The following KIF25 variants were observed in gnomAD, a reference collection of about 807,000 sequenced individuals.
KIF25 encodes kinesin-like protein KIF25.
KIF25 carries 19 observed loss-of-function variants against 32.9 expected under a neutral mutation model. The observed-to-expected ratio is 0.58, with a 90% CI of 0.40 to 0.85. The LOEUF is 0.85. Ranked by LOEUF, KIF25 falls within the 40% of genes least tolerant of loss-of-function variation. The pLI, the probability that KIF25 is intolerant of heterozygous loss-of-function variation, is 0.00. For synonymous variants in KIF25, 225 were observed against 213.7 expected, an observed-to-expected ratio of 1.05 and a Z score of -0.46; for missense variants, 485 against 507.0, an observed-to-expected ratio of 0.96 and a Z score of 0.42.
intron 2 of KIF25, among the ~76,000 whole-genome samples, chr6:168,001,266 G>A (rs1283659490): frequency 1.3e-5 from 2 of 152,324 alleles, no homozygotes; most frequent in African/African-American, 4.8e-5. Context: ...TAATCCAGTG[G>A]GCATTTTCTT....
chr6:168,041,653 G>C (rs1267436553), intron 10 of KIF25, among the ~76,000 whole-genome samples: 1 of 152,206 alleles, frequency 6.6e-6, no homozygotes, highest in Non-Finnish European at 1.5e-5. Flanking sequence ...ATTTCTAAAA[G>C]GGCTCATAGA....
rs1221879215 is a variant in KIF25 at position 168,040,137 on chromosome 6, CCTGGTGCACG to C, written c.569_578del (p.Leu190ArgfsTer8). ...TGCAGCTCAGGGCGAAGCACCCCAC[CCTGGTGCACG>C]CGGATTCCTCCAGGTCTCACCTGAT... On this transcript the variant is annotated frameshift_variant, in exon 10 of 13. Transcript: ENST00000643607. LOFTEE classifies it high-confidence loss of function. 1 of 1,614,008 alleles carries C rather than the reference CCTGGTGCACG, an allele frequency of 6.2e-7. No homozygotes were observed. The highest frequency in any genetic ancestry group is 8.5e-7 in the Non-Finnish European group (1 of 1,180,040).
chr6:168,004,373 T>C (rs1798550245), intron 4 of KIF25, among the ~76,000 whole-genome samples: 1 of 152,220 alleles, frequency 6.6e-6, no homozygotes, highest in Admixed American at 6.5e-5. Flanking sequence ...GATTGAAATA[T>C]ATAATTATAT....
intron 6 of KIF25, 113 bp downstream of exon 6, chr6:168,029,790 GA>G: frequency 7.3e-7 from 1 of 1,373,942 alleles, no homozygotes; most frequent in Non-Finnish European, 9.9e-7. Context: ...TTTTCTGAGT[GA>G]AAAGTTAAAA....
intron 5 of KIF25, among the ~76,000 whole-genome samples, chr6:168,026,320 A>G (rs902975286): frequency 2.6e-5 from 4 of 152,234 alleles, no homozygotes; most frequent in Non-Finnish European, 5.9e-5. Context: ...GTCGAAGGGA[A>G]ACATCAAAAT....
intron 5 of KIF25, among the ~76,000 whole-genome samples, chr6:168,020,411 G>T (rs1320803205): frequency 6.6e-6 from 1 of 151,982 alleles, no homozygotes; most frequent in African/African-American, 2.4e-5. Context: ...CACAAGGAGT[G>T]TACAACGGAT....
At chr6:168,039,958 A>C in intron 9 of KIF25, 107 bp from the exon 10 acceptor site, 1 of 1,351,902 alleles carries the variant, frequency 7.4e-7, no homozygotes, top group Non-Finnish European at 9.9e-7. Flanking sequence ...CCCCACTGGC[A>C]CGCGTGGCTC....
At chr6:168,035,914 C>A in intron 8 of KIF25, 1 of 393,900 alleles carries the variant, frequency 2.5e-6, no homozygotes. Context: ...CATCCACACA[C>A]GACCTGGAGA....
chr6:168,037,467 G>A (rs1053671771), intron 8 of KIF25, among the ~76,000 whole-genome samples: 1 of 152,158 alleles, frequency 6.6e-6, no homozygotes, highest in Non-Finnish European at 1.5e-5. Flanking sequence ...ACATCACCAT[G>A]CAGGTGGTAG....
intron 7 of KIF25, 127 bp downstream of exon 7, chr6:168,030,974 A>G: frequency 1.5e-6 from 1 of 669,366 alleles, no homozygotes. Context: ...GAGCATGCCC[A>G]TGGGTCACCC....
chr6:168,005,977 T>A (rs1479473768), intron 4 of KIF25, among the ~76,000 whole-genome samples: 2 of 152,210 alleles, frequency 1.3e-5, no homozygotes, highest in Non-Finnish European at 2.9e-5. Context: ...ACATGCTTTG[T>A]TCCTGGCCCA....
At chr6:168,015,663 G>T (rs1798703347) in intron 4 of KIF25, among the ~76,000 whole-genome samples, 1 of 152,198 alleles carries the variant, frequency 6.6e-6, no homozygotes. Context: ...AAAGCCAAGA[G>T]AAATGAATCC....
At position 168,033,937 on chromosome 6, in the gene KIF25, A is replaced by G. The variant is rs776435400; in HGVS notation, c.223A>G (p.Met75Val). The G allele has an allele frequency of 8.7e-6, 14 of 1,614,064 alleles. No homozygotes were observed. The Admixed American group carries it at 2.0e-4, about 23-fold the overall frequency. ...GQTGSGKSYT[M>V]LGRHSDDGPV... Reference sequence around the variant, plus strand: ...GACGGGCAGCGGAAAGAGCTATACCATGCTGGGACGCCATTCGGACGACGG... The same window carrying G: ...GACGGGCAGCGGAAAGAGCTATACCGTGCTGGGACGCCATTCGGACGACGG... Residue 75 changes from methionine (M) to valine (V), a missense_variant, in exon 8 of 13, where the codon ATG becomes GTG. This residue lies in a region of KIF25 where 480 missense variants were observed against 470.3 expected (regional missense o/e 1.02). Transcript: ENST00000643607.
intron 5 of KIF25, among the ~76,000 whole-genome samples, chr6:168,022,312 A>G (rs946459956): frequency 6.6e-6 from 1 of 152,130 alleles, no homozygotes; most frequent in African/African-American, 2.4e-5. Flanking sequence ...CATTTAACCC[A>G]TCTGTTTTTC....
chr6:168,040,125 G>C lies in KIF25; in HGVS notation c.555G>C (p.Ala185=), dbSNP rs376194412. The part of the protein sequence containing the change: ...ELVHGGLQLR[A]KHPTLVHADS... ...TTCATGGAGGTCTGCAGCTCAGGGC[G>C]AAGCACCCCACCCTGGTGCACGCGG... is the stretch of plus-strand genomic sequence containing the variant. The change falls in exon 10 of 13, where the codon GCG becomes GCC. Residue 185 remains alanine, a synonymous_variant. Coordinates refer to ENST00000643607, the MANE Select transcript of KIF25 (RefSeq NM_030615.4). The C allele has an allele frequency of 3.1e-6, 5 of 1,613,952 alleles. No individual in the cohort carries two copies. The highest frequency in any genetic ancestry group is 1.3e-5 in the African/African-American group (1 of 74,938).
Position 167,997,677 on chromosome 6 carries a change from T to C in KIF25, c.-1792T>C, listed in dbSNP as rs1798440942. ...CATTAACAAGACCCAGAGGCTCTCG[T>C]GCTTTCTTGGTCGAAGGTATGAGAC... On this transcript the variant is annotated 5_prime_UTR_variant, in exon 1 of 13. Coordinates refer to ENST00000643607, the MANE Select transcript of KIF25 (RefSeq NM_030615.4). Among the ~76,000 whole-genome samples, 1 of 152,010 alleles carries C rather than the reference T, an allele frequency of 6.6e-6. No individual in the cohort carries two copies. The highest frequency in any genetic ancestry group is 1.9e-4 in the East Asian group (1 of 5,182).
At chr6:168,020,416 A>G (rs1042403850) in intron 5 of KIF25, among the ~76,000 whole-genome samples, 1 of 152,160 alleles carries the variant, frequency 6.6e-6, no homozygotes, top group Admixed American at 6.5e-5. Flanking sequence ...GGAGTGTACA[A>G]CGGATTCTGT....
At chr6:168,031,302 G>T (rs1229049301) in intron 7 of KIF25, among the ~76,000 whole-genome samples, 3 of 150,970 alleles carry the variant, frequency 2.0e-5, no homozygotes, top group Non-Finnish European at 4.4e-5. Flanking sequence ...TAGGAATGAA[G>T]AATTTTTTTT....
intron 9 of KIF25, among the ~76,000 whole-genome samples, chr6:168,039,588 G>A (rs928561859): frequency 2.8e-5 from 4 of 145,330 alleles, no homozygotes; most frequent in Non-Finnish European, 5.9e-5. Flanking sequence ...ACCCTGATAC[G>A]GTCACACAAA....
Sources: allele counts gnomAD v4.1 joint callset (sites outside exome capture counted in the v4.1 genomes callset), GRCh38; gene constraint gnomAD v4.1.1; regional missense constraint gnomAD v4.1.1; transcripts MANE v1.5; gene names NCBI Gene and HGNC (gene_info 2026-07-23, HGNC 2026-07-21).